The following ADD1 variants were observed in gnomAD, a reference collection of about 807,000 sequenced individuals.
ADD1 encodes adducin 1, also known as alpha-adducin.
Under a neutral mutation model 80.5 loss-of-function variants are expected in ADD1, and 24 were observed. That is an observed-to-expected ratio of 0.30 (90% CI 0.22 to 0.42). The LOEUF (loss-of-function observed/expected upper bound fraction) is 0.42, where lower values mean the gene tolerates loss of function less well. Among genes scored for constraint, ADD1 ranks in the 10% least tolerant of loss-of-function variants. ADD1 has a pLI of 1.00. For missense variants in ADD1, 948 were observed against 1,019.0 expected, an observed-to-expected ratio of 0.93 and a Z score of 0.95; for synonymous variants, 373 against 393.8, an observed-to-expected ratio of 0.95 and a Z score of 0.63.
chr4:2,852,696 C>CTTT (rs1312991635), intron 1 of ADD1, among the ~76,000 whole-genome samples: 11 of 118,716 alleles, frequency 9.3e-5, no homozygotes, highest in South Asian at 2.6e-4. Flanking sequence ...CAGGAAATAT[C>CTTT]TTTTTTTTTT....
At chr4:2,912,597 G>C (rs1738263551) in intron 13 of ADD1, among the ~76,000 whole-genome samples, 1 of 152,210 alleles carries the variant, frequency 6.6e-6, no homozygotes, top group Non-Finnish European at 1.5e-5. Context: ...TGCAATCACA[G>C]CTCACTGCAG....
At chr4:2,855,002 C>T (rs1727854197) in intron 1 of ADD1, 1 of 152,196 alleles carries the variant, frequency 6.6e-6, no homozygotes, top group Admixed American at 6.5e-5. Context: ...TTGGCTGTGG[C>T]TGCATCACTC....
At chr4:2,863,433 ATT>A (rs1729097997) in intron 1 of ADD1, among the ~76,000 whole-genome samples, 1 of 152,044 alleles carries the variant, frequency 6.6e-6, no homozygotes, top group African/African-American at 2.4e-5. Flanking sequence ...TTAGAAGCAA[ATT>A]ATATATATGA....
At chr4:2,918,686 C>T (rs1325288038) in intron 14 of ADD1, among the ~76,000 whole-genome samples, 2 of 152,056 alleles carry the variant, frequency 1.3e-5, no homozygotes, top group Admixed American at 1.3e-4. Context: ...GAGATACATT[C>T]CATCAATACC....
intron 4 of ADD1, among the ~76,000 whole-genome samples, chr4:2,889,397 A>C (rs576655209): frequency 1.3e-5 from 2 of 152,356 alleles, no homozygotes; most frequent in African/African-American, 2.4e-5. Context: ...TAGGACTAAT[A>C]TAGGTGAAAA....
At chr4:2,883,415 CT>C (rs1438906403) in intron 3 of ADD1, among the ~76,000 whole-genome samples, 21 of 151,716 alleles carry the variant, frequency 1.4e-4, no homozygotes, top group African/African-American at 4.8e-4. Context: ...GAGAACTTTC[CT>C]TCTGAATGGA....
At chr4:2,885,793 G>T (rs1427504359) in intron 4 of ADD1, among the ~76,000 whole-genome samples, 2 of 151,636 alleles carry the variant, frequency 1.3e-5, no homozygotes, top group Non-Finnish European at 2.9e-5. Context: ...TGTATTTTTA[G>T]TAGAGACGGG....
At chr4:2,927,541 C>T (rs1054056412) in intron 15 of ADD1, among the ~76,000 whole-genome samples, 8 of 152,248 alleles carry the variant, frequency 5.3e-5, no homozygotes, top group African/African-American at 1.9e-4. Context: ...AAGGCGCCCC[C>T]AGGCTGTGTC....
chr4:2,894,017 G>C lies in ADD1; in HGVS notation c.515G>C (p.Arg172Thr), dbSNP rs760709950. ...SQLIYNHITT[R>T]VNSEQEHFLI... Reference sequence around the variant, plus strand: ...ATTCAGTCATTTTCCCCACAGACCAGAGTGAACTCCGAGCAGGAACACTTC... The same window carrying C: ...ATTCAGTCATTTTCCCCACAGACCACAGTGAACTCCGAGCAGGAACACTTC... Residue 172 changes from arginine to threonine, a missense_variant, in exon 5 of 16, where the codon AGA (arginine) becomes ACA (threonine). Physicochemically the swap from Arg to Thr is moderately conservative, Grantham distance 71 (BLOSUM62 -1). Coordinates refer to ENST00000683351, the MANE Select transcript of ADD1 (RefSeq NM_001354761.2). 5 of 1,613,860 alleles carry C rather than the reference G, an allele frequency of 3.1e-6. No homozygotes were observed. In the East Asian group the frequency reaches 6.7e-5, roughly 22 times the overall value.
intron 1 of ADD1, among the ~76,000 whole-genome samples, chr4:2,845,867 G>A (rs1011001269): frequency 1.4e-4 from 22 of 152,182 alleles, no homozygotes; most frequent in African/African-American, 5.3e-4. Context: ...TTGAAACTTA[G>A]AGTTAGATTG....
In ADD1 at chr4:2,928,761, C is replaced by T; in HGVS notation, c.*238C>T. The T allele has an allele frequency of 5.8e-6, 3 of 514,238 alleles. No individual in the cohort carries two copies. Among genetic ancestry groups the T allele is most frequent in the South Asian group, 5.4e-5 (2 of 37,232 alleles). The allele number at this position is 514,238 out of a possible 1,614,324, so 31.9% of individuals were successfully genotyped here. A position where few individuals can be genotyped will look rare whatever the true frequency, so the allele number is the denominator to read the frequency against. On this transcript the variant is annotated 3_prime_UTR_variant, in exon 16 of 16. Coordinates refer to ENST00000683351, the MANE Select transcript of ADD1 (RefSeq NM_001354761.2). ...TCAGCTTCTGGGGGAGACATGCTCT[C>T]CCCACAGGGGGGAGGCACTAAGTCA...
chr4:2,926,804 AC>A lies in ADD1; in HGVS notation c.2047+695del. 1 of 1,086,810 alleles carries A rather than the reference AC, an allele frequency of 9.2e-7. No individual in the cohort carries two copies. The highest frequency in any genetic ancestry group is 1.3e-6 in the Non-Finnish European group (1 of 756,040). The allele number at this position is 1,086,810 out of a possible 1,614,324, so 67.3% of individuals were successfully genotyped here. On this transcript the variant is annotated intron_variant, in intron 15 of 15. Coordinates refer to ENST00000683351, the MANE Select transcript of ADD1 (RefSeq NM_001354761.2). The surrounding 1 kb of genome is among the most constrained non-coding windows in gnomAD (Gnocchi z 5.0). ...AAAAACAGAAGCCCCCCTTTTTTGT[AC>A]CCAGTCCCTTGGAGGCCTTCCTGGA...
intron 9 of ADD1, chr4:2,899,889 C>T: frequency 3.5e-6 from 1 of 286,338 alleles, no homozygotes. Flanking sequence ...AGCCCCTCAG[C>T]TGCTTATTGC....
At chr4:2,898,611 T>C (rs558898278) in intron 8 of ADD1, 80 bp downstream of exon 8, 40 of 1,235,212 alleles carry the variant, frequency 3.2e-5, no homozygotes, top group Admixed American at 3.2e-4. Flanking sequence ...TTGATACTTA[T>C]CGAGTAGGAG....
At chr4:2,852,527 A>G (rs1360403497) in intron 1 of ADD1, among the ~76,000 whole-genome samples, 1 of 150,210 alleles carries the variant, frequency 6.7e-6, no homozygotes, top group African/African-American at 2.5e-5. Flanking sequence ...GGGGTTTCGC[A>G]GATACTCCAT....
intron 13 of ADD1, among the ~76,000 whole-genome samples, chr4:2,911,448 A>ATATATATATATATATTTTTTTTTTTT (rs553567632): frequency 7.7e-6 from 1 of 130,520 alleles, no homozygotes; most frequent in African/African-American, 3.0e-5. Context: ...ATATATATAT[A>ATATATATATATATATTTTTTTTTTTT]TTTTTTTTTT....
At chr4:2,914,163 G>C (rs1189659556) in intron 13 of ADD1, among the ~76,000 whole-genome samples, 1 of 152,194 alleles carries the variant, frequency 6.6e-6, no homozygotes, top group Non-Finnish European at 1.5e-5. Flanking sequence ...GGGGCAGGTG[G>C]CTGTGAGTGG....
intron 14 of ADD1, among the ~76,000 whole-genome samples, chr4:2,924,292 C>T (rs1740595560): frequency 6.6e-6 from 1 of 152,218 alleles, no homozygotes; most frequent in Admixed American, 6.5e-5. Context: ...AAGCAGGTCT[C>T]CAAAGCCTAT....
chr4:2,897,358 T>A (rs1482557539), intron 6 of ADD1, among the ~76,000 whole-genome samples: 1 of 150,850 alleles, frequency 6.6e-6, no homozygotes, highest in Non-Finnish European at 1.5e-5. Context: ...AGAGTCAATT[T>A]TACTTAAATA....
Sources: gnomAD v4.1 joint callset for allele counts (sites outside exome capture counted in the v4.1 genomes callset) on GRCh38, gnomAD v4.1.1 for gene constraint, Gnocchi (gnomAD v3.1) non-coding constraint, MANE v1.5 for transcripts, NCBI Gene and HGNC (gene_info 2026-07-23, HGNC 2026-07-21) for gene names.